Variants in SMC4 observed in about 807,000 individuals in gnomAD.
The protein encoded by SMC4 is structural maintenance of chromosomes protein 4.
Under a neutral mutation model 145.6 loss-of-function variants are expected in SMC4, and 87 were observed. The observed-to-expected ratio is 0.60, with a 90% confidence interval of 0.50 to 0.71. SMC4 has a LOEUF of 0.71. Among genes scored for constraint, SMC4 ranks in the 30% least tolerant of loss-of-function variants. The probability of loss-of-function intolerance (pLI) is 0.00; values close to 1 mark genes in which losing one functional copy is unlikely to be tolerated. For synonymous variants in SMC4, 558 were observed against 500.7 expected, an observed-to-expected ratio of 1.11 and a Z score of -1.53; for missense variants, 1,447 against 1,537.1, an observed-to-expected ratio of 0.94 and a Z score of 0.98.
At chr3:160,409,221 G>A (rs113551581) in intron 5 of SMC4, among the ~76,000 whole-genome samples, 88 of 136,332 alleles carry the variant, frequency 6.5e-4, no homozygotes, top group South Asian at 1.6e-3. Flanking sequence ...AGTCGAGATC[G>A]CGCCACTGCA....
At chr3:160,416,746 G>A (rs1464250154) in intron 10 of SMC4, 1 of 159,310 alleles carries the variant, frequency 6.3e-6, no homozygotes, top group African/African-American at 2.4e-5. Context: ...ACTAAGCGCA[G>A]GTTAATGTCT....
chr3:160,402,743 T>C lies in SMC4; in HGVS notation c.386T>C (p.Val129Ala). Residue 129 changes from valine (V) to alanine (A), a missense_variant, in exon 4 of 24, where the codon GTG becomes GCG. By Grantham distance (64) the Val-to-Ala change is moderately conservative. Transcript: ENST00000357388. Reference protein sequence around the residue: ...KSNVIDSMLFVFGYRAQKIRS... With the variant: ...KSNVIDSMLFAFGYRAQKIRS... ...AATGTTATTGATTCTATGCTTTTTG[T>C]GTTTGGCTATCGAGCACAAAAAATA... is the stretch of plus-strand genomic sequence containing the variant. The C allele has an allele frequency of 6.2e-7, 1 of 1,612,742 alleles. No homozygotes were observed. Among genetic ancestry groups the C allele is most frequent in the Non-Finnish European group, 8.5e-7 (1 of 1,179,718 alleles).
chr3:160,419,904 A>G (rs75466958), intron 12 of SMC4, among the ~76,000 whole-genome samples: 1 of 152,162 alleles, frequency 6.6e-6, no homozygotes, highest in Non-Finnish European at 1.5e-5. Flanking sequence ...TAGGAGTTCA[A>G]GTCCATCCTG....
Position 160,414,468 on chromosome 3 carries a change from C to A in SMC4, c.1223C>A (p.Thr408Lys). 1 of 1,610,674 alleles carries A rather than the reference C, an allele frequency of 6.2e-7. No individual in the cohort carries two copies. The highest frequency in any genetic ancestry group is 1.1e-5 in the South Asian group (1 of 90,254). ...VQVREKLKHA[T>K]SKAKKLEKQL... ...GTTAGAGAAAAGTTAAAACATGCCA[C>A]GAGTAAAGCCAAAAAACTGGAGAAA... is the stretch of plus-strand genomic sequence containing the variant. Residue 408 changes from threonine (T) to lysine (K), a missense_variant, in exon 9 of 24, where the codon ACG becomes AAG. Thr to Lys is a moderately conservative substitution (Grantham distance 78). Transcript: ENST00000357388.
intron 5 of SMC4, among the ~76,000 whole-genome samples, chr3:160,407,785 G>A (rs1318203372): frequency 6.6e-6 from 1 of 152,010 alleles, no homozygotes; most frequent in Admixed American, 6.5e-5. Context: ...GTTTTCCAAA[G>A]GTGTCTGATT....
chr3:160,414,094 A>T, intron 8 of SMC4: 1 of 449,232 alleles, frequency 2.2e-6, no homozygotes, highest in Non-Finnish European at 4.2e-6. Context: ...TTTTACTCCT[A>T]TGGTAAAATT....
chr3:160,413,039 T>G (rs553629356), intron 7 of SMC4, among the ~76,000 whole-genome samples: 1 of 152,178 alleles, frequency 6.6e-6, no homozygotes, highest in African/African-American at 2.4e-5. Context: ...ACTCAGTTGA[T>G]CCTCCCACCT....
At chr3:160,399,876 T>G (rs1714280469) in intron 1 of SMC4, 127 bp downstream of exon 1, 1 of 152,016 alleles carries the variant, frequency 6.6e-6, no homozygotes, top group South Asian at 2.1e-4. Context: ...GCTGGGAGAT[T>G]TCTCTTGCTG....
chr3:160,419,370 C>T lies in SMC4; in HGVS notation c.1684C>T (p.Leu562Phe). Residue 562 changes from leucine (L) to phenylalanine (F), a missense_variant, in exon 12 of 24, where the codon CTT becomes TTT. Transcript: ENST00000357388. ...TTTTCACTTTTAGAAAGAAAAAGAA[C>T]TTCAAAAACTTACACAAGAAGAAAC... ...EQELKEKEKE[L>F]QKLTQEETNF... 4.4e-6 allele frequency: 7 copies of T among 1,585,900 alleles called. No individual in the cohort carries two copies. The highest frequency in any genetic ancestry group is 6.0e-6 in the Non-Finnish European group (7 of 1,171,570).
intron 4 of SMC4, among the ~76,000 whole-genome samples, chr3:160,403,449 G>C (rs1714940069): frequency 6.6e-6 from 1 of 152,084 alleles, no homozygotes; most frequent in Non-Finnish European, 1.5e-5. Flanking sequence ...TTTCTCTTCT[G>C]TTTAATAATG....
rs549067970 is a variant in SMC4 at position 160,402,482 on chromosome 3, G to C, written c.319-194G>C. On this transcript the variant is annotated intron_variant, in intron 3 of 23. Coordinates refer to ENST00000357388, the MANE Select transcript of SMC4 (RefSeq NM_001002800.3). ...GCGTTAGAATTGGAGCATTCTTATT[G>C]AATGTTGAAGCTTTTAAGAGAGAAC... 1.2e-4 allele frequency among the ~76,000 whole-genome samples: 18 copies of C among 152,202 alleles called. No individual in the cohort carries two copies. The South Asian group carries it at 3.5e-3, about 30-fold the overall frequency.
chr3:160,423,961 C>T (rs753269273), intron 15 of SMC4, 121 bp downstream of exon 15: 66 of 574,322 alleles, frequency 1.1e-4, no homozygotes, highest in Middle Eastern at 9.6e-4. Context: ...TAATAGATGG[C>T]GTTTTCTATA....
intron 8 of SMC4, 70 bp downstream of exon 8, chr3:160,413,683 T>A (rs1048747136): frequency 1.1e-6 from 1 of 894,258 alleles, no homozygotes; most frequent in Non-Finnish European, 1.6e-6. Context: ...TATATAAAGT[T>A]ACTTCTAGCA....
chr3:160,430,765 AGAG>A (rs1220944192), intron 19 of SMC4, 22 bp downstream of exon 19: 3 of 1,600,220 alleles, frequency 1.9e-6, no homozygotes, highest in African/African-American at 2.7e-5. Flanking sequence ...TTTGTATTGA[AGAG>A]GAGATGGGAT....
chr3:160,407,568 A>C (rs1715481945), intron 5 of SMC4, among the ~76,000 whole-genome samples: 1 of 151,364 alleles, frequency 6.6e-6, no homozygotes, highest in African/African-American at 2.4e-5. Context: ...ATAATAGCCA[A>C]GTTCTTTTTT....
chr3:160,432,012 C>A (rs1718460926), intron 21 of SMC4, among the ~76,000 whole-genome samples, 187 bp downstream of exon 21: 1 of 152,110 alleles, frequency 6.6e-6, no homozygotes, highest in African/African-American at 2.4e-5. Flanking sequence ...ACCAGCTGGG[C>A]CAACATAGTG....
chr3:160,401,040 G>T (rs1714561927), intron 2 of SMC4, 75 bp downstream of exon 2: 1 of 1,351,694 alleles, frequency 7.4e-7, no homozygotes, highest in African/African-American at 1.5e-5. Context: ...CCCGAGGCTG[G>T]CTGGGGTTGT....
chr3:160,402,237 TCACA>T, intron 3 of SMC4, 144 bp downstream of exon 3: 2 of 435,686 alleles, frequency 4.6e-6, no homozygotes, highest in Non-Finnish European at 8.0e-6. Context: ...TCTCTCTCTC[TCACA>T]CACACACACA....
chr3:160,414,824 C>T (rs1016997452), intron 9 of SMC4, among the ~76,000 whole-genome samples: 9 of 152,246 alleles, frequency 5.9e-5, no homozygotes, highest in Admixed American at 4.6e-4. Context: ...ACCTCAGCCT[C>T]CCAAAGTAAC....
Sources: allele counts gnomAD v4.1 joint callset (sites outside exome capture counted in the v4.1 genomes callset), GRCh38; gene constraint gnomAD v4.1.1; transcripts MANE v1.5; gene names NCBI Gene and HGNC (gene_info 2026-07-23, HGNC 2026-07-21).